Variants in GRID2 observed in about 807,000 individuals in gnomAD.
GRID2 encodes the protein glutamate ionotropic receptor delta type subunit 2.
A neutral mutation model predicts 114.8 loss-of-function variants in GRID2; 33 were observed. That is an observed-to-expected ratio of 0.29 (90% confidence interval 0.22 to 0.38). GRID2 has a LOEUF of 0.38. GRID2 is among the 10% of genes least tolerant of loss of function. GRID2 has a pLI of 1.00. For missense variants in GRID2, 1,184 were observed against 1,257.7 expected (o/e 0.94, Z 0.89); for synonymous variants, 505 against 449.9 (o/e 1.12, Z -1.55).
rs145869046 is a variant in GRID2 at position 92,581,805 on chromosome 4, G to A, written c.89-8326G>A. Among the ~76,000 whole-genome samples the A allele has an allele frequency of 2.2e-3, 332 of 151,900 alleles. 1 individual carries two copies. The highest frequency in any genetic ancestry group is 3.4e-3 in the Non-Finnish European group (234 of 67,930). On this transcript the variant is annotated intron_variant, in intron 1 of 15. Coordinates refer to ENST00000282020, the MANE Select transcript of GRID2 (RefSeq NM_001510.4). The stretch of plus-strand genomic sequence containing the variant: ...GTGTCTGAATTATTAAAAATATTTC[G>A]GACACTAGCTAAATGTAAATTACAA...
At chr4:93,094,909 A>G (rs902005903) in intron 3 of GRID2, among the ~76,000 whole-genome samples, 19 of 151,990 alleles carry the variant, frequency 1.3e-4, no homozygotes, top group Non-Finnish European at 2.5e-4. Context: ...TTAATTAATC[A>G]AGTTGATGTT....
At chr4:92,922,368 G>A (rs1051594599) in intron 2 of GRID2, among the ~76,000 whole-genome samples, 8 of 152,000 alleles carry the variant, frequency 5.3e-5, no homozygotes, top group African/African-American at 1.4e-4. Context: ...CCCACTGTCC[G>A]ACAATCCCCA....
chr4:92,720,610 A>C (rs1735765783), intron 2 of GRID2, among the ~76,000 whole-genome samples: 1 of 152,148 alleles, frequency 6.6e-6, no homozygotes. Context: ...TGTGATTATT[A>C]ACAAAGTTGT....
intron 13 of GRID2, among the ~76,000 whole-genome samples, chr4:93,589,584 G>T (rs1031163818): frequency 2.6e-5 from 4 of 151,938 alleles, no homozygotes; most frequent in Non-Finnish European, 5.9e-5. Flanking sequence ...GGGATGGCTG[G>T]GTCAAATGGT....
chr4:93,735,830 A>G (rs1251365886), intron 14 of GRID2, among the ~76,000 whole-genome samples: 4 of 152,038 alleles, frequency 2.6e-5, no homozygotes, highest in African/African-American at 9.6e-5. Flanking sequence ...GAGAAGCAGG[A>G]AATTTTTCTT....
chr4:92,921,894 G>A (rs1749375202), intron 2 of GRID2, among the ~76,000 whole-genome samples: 1 of 152,214 alleles, frequency 6.6e-6, no homozygotes, highest in Non-Finnish European at 1.5e-5. Context: ...GTACATTTAA[G>A]TCTGCAGAGT....
intron 1 of GRID2, among the ~76,000 whole-genome samples, chr4:92,424,969 T>C (rs1732086586): frequency 6.6e-6 from 1 of 151,990 alleles, no homozygotes; most frequent in Non-Finnish European, 1.5e-5. Flanking sequence ...TAAATTATAT[T>C]TCAAATGTTA....
At chr4:93,332,299 TGAGAGAGAGAGA>T (rs10596544) in intron 8 of GRID2, among the ~76,000 whole-genome samples, 8 of 120,988 alleles carry the variant, frequency 6.6e-5, no homozygotes, top group Non-Finnish European at 1.0e-4. Context: ...TGTGTGTGTG[TGAGAGAGAGAGA>T]GAGAGAGAGA....
intron 2 of GRID2, among the ~76,000 whole-genome samples, chr4:93,010,111 G>A (rs1045121577): frequency 6.6e-6 from 1 of 151,980 alleles, no homozygotes; most frequent in Non-Finnish European, 1.5e-5. Context: ...CTTTTGATAT[G>A]CGTAGTAGGA....
intron 2 of GRID2, among the ~76,000 whole-genome samples, chr4:92,762,690 G>T (rs1738077790): frequency 6.6e-6 from 1 of 152,122 alleles, no homozygotes; most frequent in Non-Finnish European, 1.5e-5. Context: ...TACCCCTAAT[G>T]CCTTAAGCTC....
intron 1 of GRID2, among the ~76,000 whole-genome samples, chr4:93,781,521 GGGGGGTTGGTTCCCTCAGTGTCAGTC>G (rs1387495893): frequency 1.7e-4 from 26 of 152,060 alleles, no homozygotes; most frequent in Non-Finnish European, 3.4e-4. Context: ...CAGTGTCAGT[GGGGGGTTGGTTCCCTCAGTGTCAGTC>G]GGGGGTTGGT....
At chr4:93,648,557 G>A (rs973568528) in intron 14 of GRID2, among the ~76,000 whole-genome samples, 1 of 152,150 alleles carries the variant, frequency 6.6e-6, no homozygotes, top group African/African-American at 2.4e-5. Context: ...GCTATAGACC[G>A]CTTCGGCTCA....
intron 4 of GRID2, among the ~76,000 whole-genome samples, chr4:93,176,559 A>G (rs1739360983): frequency 6.6e-6 from 1 of 152,164 alleles, no homozygotes; most frequent in African/African-American, 2.4e-5. Context: ...GAAGTTAGGG[A>G]ACTAAGCCCA....
chr4:93,782,012 T>C (rs952669689), intron 1 of GRID2, among the ~76,000 whole-genome samples: 1 of 152,212 alleles, frequency 6.6e-6, no homozygotes, highest in Non-Finnish European at 1.5e-5. Flanking sequence ...CCATTGACTT[T>C]GGATTGTATT....
intron 1 of GRID2, among the ~76,000 whole-genome samples, chr4:92,573,854 T>A (rs1270875938): frequency 6.6e-6 from 1 of 152,120 alleles, no homozygotes; most frequent in Non-Finnish European, 1.5e-5. Context: ...TGAGTTCATG[T>A]CCTGAGTATC....
intron 1 of GRID2, among the ~76,000 whole-genome samples, chr4:92,532,289 A>G (rs11939164): frequency 0.031 from 4,672 of 152,248 alleles, 218 homozygotes; most frequent in African/African-American, 0.11. Flanking sequence ...CAATTGTCCA[A>G]TGATACCTGG....
chr4:93,789,873 G>T (rs1578796430), intron 1 of GRID2, among the ~76,000 whole-genome samples: 1 of 152,246 alleles, frequency 6.6e-6, no homozygotes, highest in South Asian at 2.1e-4. Context: ...GTTAGGAACT[G>T]GGCTGCACAG....
chr4:93,261,834 T>C (rs1342673683), intron 8 of GRID2, among the ~76,000 whole-genome samples: 1 of 151,714 alleles, frequency 6.6e-6, no homozygotes, highest in Non-Finnish European at 1.5e-5. Context: ...TGTATGTCTC[T>C]TTTGCATATT....
At chr4:92,667,832 A>C (rs946554142) in intron 2 of GRID2, among the ~76,000 whole-genome samples, 1 of 151,770 alleles carries the variant, frequency 6.6e-6, no homozygotes, top group Non-Finnish European at 1.5e-5. Context: ...AAATTAAATA[A>C]GTTGTTTGCG....
Sources: gnomAD v4.1 joint callset for allele counts (sites outside exome capture counted in the v4.1 genomes callset) on GRCh38, gnomAD v4.1.1 for gene constraint, MANE v1.5 for transcripts, NCBI Gene and HGNC (gene_info 2026-07-23, HGNC 2026-07-21) for gene names.